Variants in ATP5F1B observed in about 807,000 individuals in gnomAD.
ATP5F1B encodes the protein ATP synthase F(1) complex subunit beta, mitochondrial.
Under a neutral mutation model 45.9 loss-of-function variants are expected in ATP5F1B, and 17 were observed. The ratio of observed to expected loss-of-function variants is 0.37; its 90% CI spans 0.25 to 0.56. The LOEUF (loss-of-function observed/expected upper bound fraction) is 0.56. Ranked by LOEUF, ATP5F1B falls within the 20% of genes least tolerant of loss-of-function variation. The pLI is 0.80. For synonymous variants in ATP5F1B, 218 were observed against 256.5 expected (o/e 0.85, Z 1.43); for missense variants, 387 against 673.2 (o/e 0.57, Z 4.70).
At chr12:56,645,061 C>A in intron 2 of ATP5F1B, 106 bp from the exon 3 acceptor site, 1 of 1,606,954 alleles carries the variant, frequency 6.2e-7, no homozygotes, top group Non-Finnish European at 8.5e-7. Flanking sequence ...TCAGCAAACT[C>A]AGAAGAACGA....
intron 1 of ATP5F1B, 80 bp from the exon 2 acceptor site, chr12:56,645,433 A>G: frequency 6.9e-7 from 1 of 1,459,392 alleles, no homozygotes; most frequent in Admixed American, 2.2e-5. Context: ...ACACACAAGG[A>G]GAGGAAAACT....
At chr12:56,643,018 G>C (rs768525884) in intron 5 of ATP5F1B, 187 bp from the exon 6 acceptor site, 238 of 627,836 alleles carry the variant, frequency 3.8e-4, no homozygotes, top group Non-Finnish European at 5.9e-4. Context: ...TATTAGTAAG[G>C]CAAAACTATA....
chr12:56,642,838 T>C lies in ATP5F1B; in HGVS notation c.793-7A>G, dbSNP rs747026741. 2.0e-5 allele frequency: 32 copies of C among 1,613,772 alleles called. No homozygotes were observed. The highest frequency in any genetic ancestry group is 2.6e-5 in the Non-Finnish European group (31 of 1,179,838). On this transcript the variant is annotated splice_polypyrimidine_tract_variant and splice_region_variant and intron_variant, in intron 5 of 9. Transcript: ENST00000262030. ...GACCATATACCAGCGCTACCTGCAG[T>C]AATCATACATAATCGTAAAACCTGA...
chr12:56,640,944 G>A (rs192207085), intron 7 of ATP5F1B, among the ~76,000 whole-genome samples: 75 of 151,790 alleles, frequency 4.9e-4, no homozygotes, highest in Non-Finnish European at 7.5e-4. Flanking sequence ...AGCTATGCAG[G>A]AGGCTGAAGC....
At chr12:56,639,392 G>A (rs1951495839) in intron 8 of ATP5F1B, 85 bp from the exon 9 acceptor site, 7 of 1,298,020 alleles carry the variant, frequency 5.4e-6, no homozygotes, top group Middle Eastern at 2.6e-4. Context: ...ATGCTAGGGG[G>A]CAGAGAAGGT....
At chr12:56,641,125 G>T (rs1222573564) in intron 7 of ATP5F1B, among the ~76,000 whole-genome samples, 1 of 152,056 alleles carries the variant, frequency 6.6e-6, no homozygotes, top group East Asian at 1.9e-4. Flanking sequence ...AACACTTTGG[G>T]AGGCTGAGTC....
chr12:56,644,827 C>T lies in ATP5F1B; in HGVS notation c.439G>A (p.Val147Ile), dbSNP rs776099840. 1 of 1,614,048 alleles carries T rather than the reference C, an allele frequency of 6.2e-7. No individual in the cohort carries two copies. The highest frequency in any genetic ancestry group is 1.3e-5 in the African/African-American group (1 of 74,934). Residue 147 changes from valine (V) to isoleucine (I), a missense_variant, in exon 3 of 10, where the codon GTC (valine) becomes ATC (isoleucine). By Grantham distance (29) the Val-to-Ile change is conservative. Transcript: ENST00000262030. ...CTTTCATCAATAGGTTCTCCAATGA[C>T]ATTCATGATTCTGCCCAAAGTCTCA... The part of the protein sequence containing the change: ...GPETLGRIMN[V>I]IGEPIDERGP...
In ATP5F1B at chr12:56,643,921, C is replaced by T; in HGVS notation, c.523G>A (p.Glu175Lys). ...PIHAEAPEFM[E>K]MSVEQEILVT... ...AGAATTTCCTGCTCAACACTCATTT[C>T]CATGAACTCTGGAGCCTCAGCATGA... is the stretch of plus-strand genomic sequence containing the variant. Residue 175 changes from glutamate to lysine, a missense_variant, in exon 4 of 10, where the codon GAA becomes AAA. Around this residue, in one of 6 missense-constraint regions of ATP5F1B, gnomAD observed 113 missense variants for 168.0 expected, o/e 0.67. Coordinates refer to ENST00000262030, the MANE Select transcript of ATP5F1B (RefSeq NM_001686.4). 6.2e-7 allele frequency: 1 copy of T among 1,614,196 alleles called. No individual in the cohort carries two copies. Among genetic ancestry groups the T allele is most frequent in the Non-Finnish European group, 8.5e-7 (1 of 1,180,032 alleles).
intron 1 of ATP5F1B, 43 bp downstream of exon 1, chr12:56,645,794 G>T (rs752067018): frequency 6.3e-7 from 1 of 1,595,882 alleles, no homozygotes. Context: ...CAAGGTCATG[G>T]GGCGGCAAAA....
chr12:56,642,153 G>A (rs1951517057), intron 7 of ATP5F1B, among the ~76,000 whole-genome samples: 1 of 151,682 alleles, frequency 6.6e-6, no homozygotes. Context: ...CTGCCACAAC[G>A]CCCAGCTAAT....
chr12:56,644,117 G>T (rs1951532955), intron 3 of ATP5F1B, among the ~76,000 whole-genome samples, 159 bp from the exon 4 acceptor site: 1 of 151,470 alleles, frequency 6.6e-6, no homozygotes, highest in Non-Finnish European at 1.5e-5. Flanking sequence ...CTATCATCTA[G>T]GATCTAACCC....
At chr12:56,644,387 A>G (rs1356192109) in intron 3 of ATP5F1B, among the ~76,000 whole-genome samples, 23 of 54,590 alleles carry the variant, frequency 4.2e-4, no homozygotes, top group African/African-American at 1.5e-3. Context: ...GTGGGGGGGG[A>G]ATCACCCAAA....
chr12:56,639,069 CACAGT>C, intron 9 of ATP5F1B, 32 bp downstream of exon 9: 1 of 1,592,394 alleles, frequency 6.3e-7, no homozygotes, highest in South Asian at 1.1e-5. Context: ...GGGACCACAG[CACAGT>C]AAACATTCAA....
intron 4 of ATP5F1B, 41 bp downstream of exon 4, chr12:56,643,796 C>T (rs1370314165): frequency 3.1e-6 from 5 of 1,612,210 alleles, no homozygotes; most frequent in Admixed American, 1.7e-5. Context: ...GTTTTTCCTC[C>T]CATATTAGGT....
intron 9 of ATP5F1B, 116 bp from the exon 10 acceptor site, chr12:56,638,539 T>A (rs1592643298): frequency 2.5e-6 from 2 of 796,842 alleles, no homozygotes; most frequent in Non-Finnish European, 4.1e-6. Flanking sequence ...TGAATTCATG[T>A]CATCTTAGAA....
chr12:56,641,363 CAA>C (rs35984942), intron 7 of ATP5F1B, among the ~76,000 whole-genome samples: 26 of 61,666 alleles, frequency 4.2e-4, no homozygotes, highest in Admixed American at 7.3e-4. Flanking sequence ...AACTCCGTCT[CAA>C]AAAAAAAAAA....
intron 3 of ATP5F1B, among the ~76,000 whole-genome samples, chr12:56,644,495 C>T (rs1248892281): frequency 6.6e-6 from 1 of 151,920 alleles, no homozygotes; most frequent in African/African-American, 2.4e-5. Flanking sequence ...CCTGTAATCC[C>T]AGCTACTCAG....
Position 56,642,822 on chromosome 12 carries a change from C to T in ATP5F1B, c.802G>A (p.Val268Ile). 1 of 1,614,104 alleles carries T rather than the reference C, an allele frequency of 6.2e-7. No homozygotes were observed. Among genetic ancestry groups the T allele is most frequent in the East Asian group, 2.2e-5 (1 of 44,882 alleles). Residue 268 changes from valine (V) to isoleucine (I), a missense_variant, in exon 6 of 10, where the codon GTA (valine) becomes ATA (isoleucine). Val to Ile is a conservative substitution (Grantham distance 29). Transcript: ENST00000262030. ...GGTGGTTCATTCATTTGACCATATA[C>T]CAGCGCTACCTGCAGTAATCATACA... The part of the protein sequence containing the change: ...LKDATSKVAL[V>I]YGQMNEPPGA...
chr12:56,638,969 A>C (rs1305652522), intron 9 of ATP5F1B, 137 bp downstream of exon 9: 1 of 819,574 alleles, frequency 1.2e-6, no homozygotes, highest in Non-Finnish European at 1.9e-6. Flanking sequence ...GAGTATTTTC[A>C]AACAAAATCA....
Sources: gnomAD v4.1 joint callset for allele counts (sites outside exome capture counted in the v4.1 genomes callset) on GRCh38, gnomAD v4.1.1 for gene constraint, gnomAD v4.1.1 regional missense constraint, MANE v1.5 for transcripts, NCBI Gene and HGNC (gene_info 2026-07-23, HGNC 2026-07-21) for gene names.